Variants in PSD3 observed in about 807,000 individuals in gnomAD.
PSD3 encodes pleckstrin and Sec7 domain containing 3.
In PSD3, 49 loss-of-function variants were observed where a neutral mutation model predicts 105.5. That is an observed-to-expected ratio of 0.46 (90% CI 0.37 to 0.59). The LOEUF (loss-of-function observed/expected upper bound fraction) is 0.59. Ranked by LOEUF, PSD3 falls within the 20% of genes least tolerant of loss-of-function variation. The pLI is 0.00. For missense variants in PSD3, 1,561 were observed against 1,263.8 expected, an observed-to-expected ratio of 1.24 and a Z score of -3.57; for synonymous variants, 557 against 457.8, an observed-to-expected ratio of 1.22 and a Z score of -2.77.
chr8:18,613,396 C>T (rs1173730217), intron 11 of PSD3, among the ~76,000 whole-genome samples: 1 of 152,026 alleles, frequency 6.6e-6, no homozygotes, highest in Non-Finnish European at 1.5e-5. Flanking sequence ...GGATTTAATC[C>T]CTGAGATGGA....
At chr8:18,626,746 A>G (rs1427304239) in intron 11 of PSD3, among the ~76,000 whole-genome samples, 3 of 152,172 alleles carry the variant, frequency 2.0e-5, no homozygotes, top group Non-Finnish European at 4.4e-5. Context: ...AAGGAGCAGC[A>G]GCCAAATAGT....
At chr8:18,640,796 C>G (rs549037691) in intron 10 of PSD3, among the ~76,000 whole-genome samples, 73 of 152,270 alleles carry the variant, frequency 4.8e-4, no homozygotes, top group African/African-American at 1.6e-3. Context: ...AACTAATTAG[C>G]CCCACTGACC....
At chr8:18,608,487 T>C (rs1426146667) in intron 11 of PSD3, among the ~76,000 whole-genome samples, 2 of 152,202 alleles carry the variant, frequency 1.3e-5, no homozygotes, top group East Asian at 1.9e-4. Flanking sequence ...AAATTGGCAG[T>C]TCCTCCAAAG....
At chr8:18,687,712 T>C (rs769665046) in intron 9 of PSD3, among the ~76,000 whole-genome samples, 10 of 152,172 alleles carry the variant, frequency 6.6e-5, no homozygotes, top group African/African-American at 1.9e-4. Context: ...TTTGTGTGTG[T>C]GCGCTTGCCC....
chr8:18,730,874 A>G (rs977068411), intron 9 of PSD3, among the ~76,000 whole-genome samples: 1 of 152,212 alleles, frequency 6.6e-6, no homozygotes, highest in East Asian at 1.9e-4. Flanking sequence ...ATAGCCGATA[A>G]TAACATTTTA....
intron 10 of PSD3, among the ~76,000 whole-genome samples, chr8:18,654,890 A>G (rs1477321030): frequency 1.3e-5 from 2 of 152,194 alleles, no homozygotes; most frequent in Non-Finnish European, 2.9e-5. Context: ...ATCATAGGAA[A>G]TAAACCTGGA....
At chr8:18,895,907 A>T (rs1819119120) in intron 2 of PSD3, among the ~76,000 whole-genome samples, 1 of 152,182 alleles carries the variant, frequency 6.6e-6, no homozygotes, top group Non-Finnish European at 1.5e-5. Flanking sequence ...TATTCATCCT[A>T]GCTAGCTGTA....
chr8:18,761,208 A>G (rs17383193), intron 9 of PSD3, among the ~76,000 whole-genome samples: 29,258 of 152,120 alleles, frequency 0.19, 3,585 homozygotes, highest in South Asian at 0.33. Context: ...AGCAAGATTC[A>G]TTTTCAGTCA....
At chr8:18,828,035 TAATATATATATG>T (rs1172957273) in intron 4 of PSD3, among the ~76,000 whole-genome samples, 2 of 136,826 alleles carry the variant, frequency 1.5e-5, no homozygotes, top group East Asian at 2.0e-4. Flanking sequence ...TACATATATA[TAATATATATATG>T]TATATATATA....
At chr8:19,003,127 C>G (rs1826488098) in intron 1 of PSD3, among the ~76,000 whole-genome samples, 1 of 152,018 alleles carries the variant, frequency 6.6e-6, no homozygotes, top group Non-Finnish European at 1.5e-5. Context: ...CAAGGTGACA[C>G]AGATAGAAGC....
At chr8:18,687,775 A>T (rs1800743113) in intron 9 of PSD3, among the ~76,000 whole-genome samples, 1 of 150,480 alleles carries the variant, frequency 6.6e-6, no homozygotes, top group African/African-American at 2.4e-5. Context: ...TATTTTTGCT[A>T]TTTTTTTTTA....
chr8:18,836,484 A>G (rs1814118623), intron 4 of PSD3, among the ~76,000 whole-genome samples: 1 of 152,206 alleles, frequency 6.6e-6, no homozygotes, highest in Non-Finnish European at 1.5e-5. Context: ...TAATACTAAA[A>G]TGGTAACAAT....
At chr8:18,649,768 C>T (rs1808333916) in intron 10 of PSD3, among the ~76,000 whole-genome samples, 1 of 152,134 alleles carries the variant, frequency 6.6e-6, no homozygotes. Flanking sequence ...GAAGATTTCC[C>T]CCTTTGGTGC....
intron 2 of PSD3, among the ~76,000 whole-genome samples, chr8:18,913,442 A>G (rs1820378445): frequency 6.6e-6 from 1 of 152,044 alleles, no homozygotes; most frequent in Non-Finnish European, 1.5e-5. Flanking sequence ...CTAAGCCCCA[A>G]TGGCCAAAGG....
rs533099171 is a variant in PSD3, at chr8:18,987,956, A to T, written c.21+25607T>A. Among the ~76,000 whole-genome samples the T allele has an allele frequency of 3.9e-5, 6 of 152,354 alleles. No individual in the cohort carries two copies. The South Asian group carries it at 1.2e-3, about 32-fold the overall frequency. ...TCATTCTTTCAACAAATATTTACAT[A>T]GTACCTACCATAAGCCAAGCACCAT... On this transcript the variant is annotated intron_variant, in intron 1 of 15. Coordinates refer to ENST00000327040, the MANE Select transcript of PSD3 (RefSeq NM_015310.4).
chr8:18,572,915 A>G (rs1002781464), intron 13 of PSD3, among the ~76,000 whole-genome samples: 16 of 152,212 alleles, frequency 1.1e-4, no homozygotes, highest in Admixed American at 5.9e-4. Flanking sequence ...GAAAAAAGAG[A>G]AACACTTGAC....
rs1025625025 is a variant in PSD3 at position 18,529,134 on chromosome 8, A to T, written c.*6609T>A. On this transcript the variant is annotated 3_prime_UTR_variant, in exon 16 of 16. Transcript: ENST00000327040. ...GATGCACACCAGCTTCTGGGACTTC[A>T]CCCAGGCTACGGAGAGATGCTGGAG... The T allele has an allele frequency of 5.3e-5, 8 of 152,184 alleles. No homozygotes were observed. The highest frequency in any genetic ancestry group is 1.0e-4 in the Non-Finnish European group (7 of 68,036). 9.4% of individuals were successfully genotyped at this position (152,184 alleles called of 1,614,324 possible).
intron 2 of PSD3, among the ~76,000 whole-genome samples, chr8:18,904,679 A>C (rs1346261578): frequency 6.6e-6 from 1 of 152,226 alleles, no homozygotes; most frequent in Non-Finnish European, 1.5e-5. Context: ...TTACAGCTGT[A>C]ATTGTTTACT....
At position 18,828,067 on chromosome 8, in the gene PSD3, A is replaced by ATATAT. The variant is rs371473289; in HGVS notation, c.1635-23170_1635-23169insATATA. 7.9e-3 allele frequency among the ~76,000 whole-genome samples: 944 copies of ATATAT among 118,840 alleles called. 5 individuals are homozygous for ATATAT. Among genetic ancestry groups the ATATAT allele is most frequent in the African/African-American group, 0.019 (548 of 28,412 alleles). 78.0% of individuals were successfully genotyped at this position (118,840 alleles called of 152,430 possible). A position where few individuals can be genotyped will look rare whatever the true frequency, so the allele number is the denominator to read the frequency against. ...TATATGTATATATATATATATATAT[A>ATATAT]TTTTTTTTTTTTTACAAAAAAAATG... On this transcript the variant is annotated intron_variant, in intron 4 of 15. Transcript: ENST00000327040.
Sources: allele counts gnomAD v4.1 joint callset (sites outside exome capture counted in the v4.1 genomes callset), GRCh38; gene constraint gnomAD v4.1.1; transcripts MANE v1.5; gene names NCBI Gene and HGNC (gene_info 2026-07-23, HGNC 2026-07-21).